Variants in RIMS2 observed in about 807,000 individuals in gnomAD.
The protein encoded by RIMS2 is regulating synaptic membrane exocytosis 2, also known as regulating synaptic membrane exocytosis protein 2.
Under a neutral mutation model 174.4 loss-of-function variants are expected in RIMS2, and 59 were observed. The ratio of observed to expected loss-of-function variants is 0.34; its 90% CI spans 0.27 to 0.42. The LOEUF (loss-of-function observed/expected upper bound fraction) is 0.42, where lower values mean the gene tolerates loss of function less well. Among genes scored for constraint, RIMS2 ranks in the 10% least tolerant of loss-of-function variants. The pLI is 1.00. For missense variants in RIMS2, 1,620 were observed against 1,666.3 expected (o/e 0.97, Z 0.48); for synonymous variants, 606 against 572.5 (o/e 1.06, Z -0.84).
intron 15 of RIMS2, among the ~76,000 whole-genome samples, chr8:103,974,875 A>G (rs746304768): frequency 6.6e-6 from 1 of 152,226 alleles, no homozygotes; most frequent in Non-Finnish European, 1.5e-5. Flanking sequence ...AGCCGTTTAC[A>G]CATCTACTAC....
chr8:103,645,385 C>G (rs1244977408), intron 1 of RIMS2, among the ~76,000 whole-genome samples: 1 of 151,932 alleles, frequency 6.6e-6, no homozygotes, highest in Non-Finnish European at 1.5e-5. Flanking sequence ...GTTATTGTGA[C>G]ACAAATATGT....
At chr8:104,109,396 G>A (rs1374548667) in intron 19 of RIMS2, among the ~76,000 whole-genome samples, 1 of 151,414 alleles carries the variant, frequency 6.6e-6, no homozygotes, top group African/African-American at 2.4e-5. Flanking sequence ...TCTGGATTCA[G>A]ACAGAACTTG....
chr8:103,808,363 A>G (rs530512518), intron 3 of RIMS2, among the ~76,000 whole-genome samples: 36 of 152,064 alleles, frequency 2.4e-4, no homozygotes, highest in African/African-American at 3.1e-4. Context: ...TAGCTCCTCA[A>G]TGCTTTGTCA....
intron 4 of RIMS2, among the ~76,000 whole-genome samples, chr8:103,904,975 T>C (rs1278731925): frequency 6.6e-6 from 1 of 152,064 alleles, no homozygotes; most frequent in Non-Finnish European, 1.5e-5. Flanking sequence ...TCACCTTGTA[T>C]TGGTGCTGAC....
At chr8:103,596,155 C>G (rs2094471426) in intron 1 of RIMS2, among the ~76,000 whole-genome samples, 1 of 151,878 alleles carries the variant, frequency 6.6e-6, no homozygotes, top group African/African-American at 2.4e-5. Flanking sequence ...TGAATAGGGA[C>G]AATTTCTAAA....
chr8:104,122,007 A>G (rs751790665), intron 19 of RIMS2, among the ~76,000 whole-genome samples: 10 of 152,066 alleles, frequency 6.6e-5, no homozygotes, highest in Non-Finnish European at 1.2e-4. Context: ...AAAGTAATGA[A>G]CTAACACACA....
intron 3 of RIMS2, among the ~76,000 whole-genome samples, chr8:103,805,133 G>A (rs892296420): frequency 6.6e-6 from 1 of 151,884 alleles, no homozygotes; most frequent in African/African-American, 2.4e-5. Context: ...TTATGTATGT[G>A]TTTTTTTCTG....
chr8:104,111,318 G>A (rs1291522772), intron 19 of RIMS2, among the ~76,000 whole-genome samples: 2 of 152,174 alleles, frequency 1.3e-5, no homozygotes, highest in Non-Finnish European at 2.9e-5. Flanking sequence ...TAAAAATTCA[G>A]TCTGTCTGTT....
chr8:103,757,842 T>C (rs1021867204), intron 2 of RIMS2, among the ~76,000 whole-genome samples: 2 of 152,214 alleles, frequency 1.3e-5, no homozygotes, highest in African/African-American at 4.8e-5. Flanking sequence ...ATTGGATTGA[T>C]GTGGCCACAA....
intron 19 of RIMS2, among the ~76,000 whole-genome samples, chr8:104,217,292 A>G (rs962436967): frequency 9.9e-5 from 15 of 151,584 alleles, no homozygotes; most frequent in African/African-American, 3.2e-4. Context: ...TTTTTGAGAC[A>G]GGGTCCTGCT....
chr8:103,796,860 C>A (rs2098553295), intron 3 of RIMS2, among the ~76,000 whole-genome samples: 4 of 152,286 alleles, frequency 2.6e-5, no homozygotes, highest in African/African-American at 9.6e-5. Flanking sequence ...TGCAGCAGAA[C>A]TCCAGGGGGC....
intron 1 of RIMS2, among the ~76,000 whole-genome samples, chr8:103,514,681 C>CT (rs1828100244): frequency 2.0e-5 from 3 of 152,050 alleles, no homozygotes; most frequent in Admixed American, 6.6e-5. Context: ...TAATGATTAT[C>CT]TTTTCAAATT....
At chr8:103,602,447 T>A (rs1174972448) in intron 1 of RIMS2, among the ~76,000 whole-genome samples, 1 of 151,670 alleles carries the variant, frequency 6.6e-6, no homozygotes, top group Non-Finnish European at 1.5e-5. Flanking sequence ...CCTGATCCCA[T>A]CCCTCCTCCC....
chr8:104,167,483 T>C (rs1238664838), intron 19 of RIMS2, among the ~76,000 whole-genome samples: 1 of 152,194 alleles, frequency 6.6e-6, no homozygotes, highest in African/African-American at 2.4e-5. Flanking sequence ...CCTTTTTTGA[T>C]AATTGTCTAT....
intron 19 of RIMS2, among the ~76,000 whole-genome samples, chr8:104,040,066 G>C (rs2096582987): frequency 6.6e-6 from 1 of 151,500 alleles, no homozygotes; most frequent in Non-Finnish European, 1.5e-5. Context: ...GGTCATCTTA[G>C]CACTAATGGA....
intron 2 of RIMS2, among the ~76,000 whole-genome samples, chr8:103,732,778 A>G (rs1038569679): frequency 4.6e-5 from 7 of 152,056 alleles, no homozygotes; most frequent in Admixed American, 6.5e-5. Context: ...TCAAGTACCA[A>G]GATCTTTTTA....
chr8:103,916,304 A>C (rs1314381111), intron 7 of RIMS2, 110 bp from the exon 11 acceptor site: 1 of 731,582 alleles, frequency 1.4e-6, no homozygotes, highest in East Asian at 2.7e-5. Context: ...TTCGTATTGT[A>C]TAATGGTTAT....
chr8:103,611,913 A>G (rs765581441), intron 1 of RIMS2, among the ~76,000 whole-genome samples: 6 of 150,828 alleles, frequency 4.0e-5, no homozygotes, highest in Non-Finnish European at 8.9e-5. Flanking sequence ...TGATTCTTAG[A>G]TTTGCCCTTT....
intron 1 of RIMS2, among the ~76,000 whole-genome samples, chr8:103,677,911 G>A (rs528062500): frequency 2.0e-5 from 3 of 152,254 alleles, no homozygotes; most frequent in South Asian, 2.1e-4. Flanking sequence ...TATTCTGTAT[G>A]TATGTGTGTA....
Sources: allele counts gnomAD v4.1 joint callset (sites outside exome capture counted in the v4.1 genomes callset), GRCh38; gene constraint gnomAD v4.1.1; transcripts MANE v1.5; gene names NCBI Gene and HGNC (gene_info 2026-07-23, HGNC 2026-07-21).